The following HERC2 variants were observed in gnomAD, a reference collection of about 807,000 sequenced individuals.
The protein encoded by HERC2 is HECT and RLD domain containing E3 ubiquitin protein ligase 2.
HERC2 carries 102 observed loss-of-function variants against 537.7 expected under a neutral mutation model. The ratio of observed to expected loss-of-function variants is 0.19; its 90% CI spans 0.16 to 0.22. The LOEUF is 0.22. Among genes scored for constraint, HERC2 ranks in the 10% least tolerant of loss-of-function variants. The pLI is 1.00. For synonymous variants in HERC2, 2,224 were observed against 2,466.2 expected (o/e 0.90, Z 2.91); for missense variants, 4,236 against 6,198.2 (o/e 0.68, Z 10.63).
intron 7 of HERC2, among the ~76,000 whole-genome samples, chr15:28,274,076 T>C (rs1482586994): frequency 6.6e-6 from 1 of 152,232 alleles, no homozygotes; most frequent in African/African-American, 2.4e-5. Context: ...CCGTCTCATT[T>C]AGTATCACAG....
chr15:28,143,152 A>G (rs567779097), intron 74 of HERC2, among the ~76,000 whole-genome samples, 200 bp from the exon 75 acceptor site: 29 of 152,202 alleles, frequency 1.9e-4, no homozygotes, highest in African/African-American at 6.5e-4. Flanking sequence ...GAGTTTGAAG[A>G]CTCATCTCAG....
chr15:28,301,953 CCA>C (rs1487218354), intron 2 of HERC2, among the ~76,000 whole-genome samples: 3 of 150,746 alleles, frequency 2.0e-5, no homozygotes, highest in Non-Finnish European at 3.0e-5. Context: ...GCTCACACCA[CCA>C]CACCCAGCTA....
chr15:28,279,132 C>T, intron 5 of HERC2, among the ~76,000 whole-genome samples: 1 of 152,164 alleles, frequency 6.6e-6, no homozygotes, highest in Non-Finnish European at 1.5e-5. Context: ...GCTGGGATTA[C>T]AGGCATGAGC....
intron 85 of HERC2, 49 bp from the exon 86 acceptor site, chr15:28,121,478 C>G: frequency 7.1e-7 from 1 of 1,410,470 alleles, no homozygotes; most frequent in Admixed American, 1.7e-5. Context: ...TGGAAAGCAT[C>G]ACTCCTGAAG....
At chr15:28,196,931 C>T (rs2525935) in intron 50 of HERC2, among the ~76,000 whole-genome samples, 20,163 of 152,124 alleles carry the variant, frequency 0.13, 4,494 homozygotes, top group African/African-American at 0.46. Flanking sequence ...ACAATACCTT[C>T]GGTATCTCAG....
At chr15:28,246,443 C>T (rs1043456936) in intron 22 of HERC2, among the ~76,000 whole-genome samples, 7 of 152,036 alleles carry the variant, frequency 4.6e-5, no homozygotes, top group East Asian at 1.9e-4. Context: ...AAATAGGTAC[C>T]TAATTTTTAT....
rs1285876721 is a variant in HERC2, at chr15:28,143,809, A to G, written c.11418+64T>C. 7.5e-6 allele frequency: 12 copies of G among 1,600,086 alleles called. No homozygotes were observed. In the East Asian group the frequency reaches 2.5e-4, roughly 33 times the overall value. ...TCTCAACGATTTAGAGGTTTAGACT[A>G]CTAAAGCAACATTTTATTCCCCAAG... On this transcript the variant is annotated intron_variant, in intron 74 of 92. Coordinates refer to ENST00000261609, the MANE Select transcript of HERC2 (RefSeq NM_004667.6).
intron 2 of HERC2, among the ~76,000 whole-genome samples, chr15:28,300,562 C>A (rs2076592589): frequency 3.3e-5 from 5 of 151,132 alleles, no homozygotes; most frequent in Admixed American, 3.3e-4. Context: ...GTGGCTCACA[C>A]CCGTAATCCC....
rs528740459 is a variant in HERC2 at position 28,169,679 on chromosome 15, C to T, written c.10058-24G>A. 366 of 1,591,648 alleles carry T rather than the reference C, an allele frequency of 2.3e-4. 6 individuals are homozygous for T. The South Asian group carries it at 3.8e-3, about 17-fold the overall frequency. On this transcript the variant is annotated intron_variant, in intron 65 of 92. Transcript: ENST00000261609. The stretch of plus-strand genomic sequence containing the variant: ...GCCTATAAGAGGAAAATAAAATTTG[C>T]ATTGTTTTTAAAATCACAGTTTGAT...
intron 2 of HERC2, among the ~76,000 whole-genome samples, chr15:28,308,042 T>G (rs983137580): frequency 2.4e-4 from 36 of 151,700 alleles, no homozygotes; most frequent in Admixed American, 5.2e-4. Flanking sequence ...GGGTCTTTTG[T>G]GGTTCAACAT....
At chr15:28,194,197 C>T (rs1259520989) in intron 52 of HERC2, among the ~76,000 whole-genome samples, 3 of 150,664 alleles carry the variant, frequency 2.0e-5, no homozygotes, top group Non-Finnish European at 4.4e-5. Flanking sequence ...TCCCGAGTAG[C>T]TGGGACTACA....
In HERC2 at chr15:28,117,003, A is replaced by C. The variant is rs200485883; in HGVS notation, c.13414+10T>G. On this transcript the variant is annotated intron_variant, in intron 87 of 92. Coordinates refer to ENST00000261609, the MANE Select transcript of HERC2 (RefSeq NM_004667.6). ...GGACACAGGTGCTCCAGCACGTGGC[A>C]AGTTCTCACCCACAAACTTGACTTT... The C allele has an allele frequency of 1.2e-4, 194 of 1,614,066 alleles. No homozygotes were observed. The highest frequency in any genetic ancestry group is 4.5e-4 in the Admixed American group (27 of 60,020).
At chr15:28,195,399 T>G (rs1469676262) in intron 52 of HERC2, among the ~76,000 whole-genome samples, 3 of 152,228 alleles carry the variant, frequency 2.0e-5, no homozygotes, top group Middle Eastern at 3.4e-3. Context: ...AGGCGGAGGT[T>G]GCACTGAGCC....
At chr15:28,132,374 T>G in intron 80 of HERC2, 113 bp from the exon 81 acceptor site, 1 of 1,019,574 alleles carries the variant, frequency 9.8e-7, no homozygotes. Context: ...TTTAAGCCTT[T>G]ACAAAGAGGT....
At position 28,248,620 on chromosome 15, in the gene HERC2, C is replaced by T. The variant is rs750947260; in HGVS notation, c.3167G>A (p.Arg1056His). The T allele has an allele frequency of 4.3e-6, 7 of 1,613,928 alleles. No homozygotes were observed. Among genetic ancestry groups the T allele is most frequent in the Non-Finnish European group, 5.9e-6 (7 of 1,179,830 alleles). ...ERSASLDLLLRFQRLLISKLY... is the reference protein window; with the variant it reads ...ERSASLDLLLHFQRLLISKLY... ...TTTACTAATAAGCAAACGTTGAAAA[C>T]GCAGTAACAAATCCAATGAAGCAGA... The change falls in exon 21 of 93, where the codon CGT becomes CAT. Residue 1056 changes from arginine to histidine, a missense_variant. Transcript: ENST00000261609.
At chr15:28,288,763 G>A (rs566311994) in intron 4 of HERC2, among the ~76,000 whole-genome samples, 27 of 150,704 alleles carry the variant, frequency 1.8e-4, no homozygotes, top group East Asian at 1.4e-3. Flanking sequence ...CAGGAGACTC[G>A]CTTGAACCCA....
intron 4 of HERC2, among the ~76,000 whole-genome samples, chr15:28,283,931 G>C (rs2076087770): frequency 6.6e-6 from 1 of 152,112 alleles, no homozygotes; most frequent in Non-Finnish European, 1.5e-5. Context: ...ATTTGTATCA[G>C]ATTTAGGAAT....
chr15:28,245,490 T>C (rs1903567082), intron 23 of HERC2, among the ~76,000 whole-genome samples: 3 of 147,742 alleles, frequency 2.0e-5, no homozygotes, highest in Admixed American at 6.9e-5. Context: ...GAGGTTGCAG[T>C]GAGCTGAGAT....
intron 65 of HERC2, among the ~76,000 whole-genome samples, chr15:28,173,052 C>T (rs1012761862): frequency 6.6e-6 from 1 of 152,142 alleles, no homozygotes; most frequent in African/African-American, 2.4e-5. Context: ...AATGAGATAC[C>T]ACCATACGTC....
Sources: allele counts gnomAD v4.1 joint callset (sites outside exome capture counted in the v4.1 genomes callset), GRCh38; gene constraint gnomAD v4.1.1; transcripts MANE v1.5; gene names NCBI Gene and HGNC (gene_info 2026-07-23, HGNC 2026-07-21).